The following NRXN2 variants were observed in gnomAD, a reference collection of about 807,000 sequenced individuals.
The protein encoded by NRXN2 is neurexin 2.
A neutral mutation model predicts 128.8 loss-of-function variants in NRXN2; 29 were observed. The observed-to-expected ratio is 0.23, with a 90% CI of 0.17 to 0.31. The LOEUF (loss-of-function observed/expected upper bound fraction) is 0.31. Among genes scored for constraint, NRXN2 ranks in the 10% least tolerant of loss-of-function variants. The pLI is 1.00. For missense variants in NRXN2, 1,881 were observed against 2,452.6 expected, an observed-to-expected ratio of 0.77 and a Z score of 4.92; for synonymous variants, 1,098 against 1,075.2, an observed-to-expected ratio of 1.02 and a Z score of -0.41.
intron 22 of NRXN2, among the ~76,000 whole-genome samples, chr11:64,609,821 G>A (rs868033846): frequency 3.0e-4 from 46 of 152,088 alleles, no homozygotes; most frequent in African/African-American, 1.1e-3. Context: ...CCACATCTGA[G>A]TGCCTCTCGC....
intron 19 of NRXN2, 58 bp from the exon 20 acceptor site, chr11:64,626,610 G>C (rs1008082143): frequency 1.6e-5 from 21 of 1,276,704 alleles, no homozygotes; most frequent in Middle Eastern, 3.7e-4. Flanking sequence ...AAAGGAGTTA[G>C]AAAAGTAATT....
intron 17 of NRXN2, among the ~76,000 whole-genome samples, chr11:64,644,242 G>T (rs78395884): frequency 3.0e-4 from 46 of 152,102 alleles, no homozygotes; most frequent in Non-Finnish European, 5.0e-4. Flanking sequence ...ACAGCATACA[G>T]TGCACCCAGA....
chr11:64,648,465 G>T lies in NRXN2; in HGVS notation c.3284-127C>A. ...AGCTCTGCCTGGCTGAAAGGGCCAA[G>T]TACTGATGACAGGGATTGGGGCAGG... is the stretch of plus-strand genomic sequence containing the variant. On this transcript the variant is annotated intron_variant, in intron 16 of 22. Coordinates refer to ENST00000265459, the MANE Select transcript of NRXN2 (RefSeq NM_015080.4). This position sits in a 1 kb window ranked among gnomAD's most constrained non-coding sequence, Gnocchi z 4.1. The T allele has an allele frequency of 6.9e-7, 1 of 1,457,378 alleles. No homozygotes were observed. The highest frequency in any genetic ancestry group is 9.5e-7 in the Non-Finnish European group (1 of 1,052,598). The allele number at this position is 1,457,378 out of a possible 1,614,324, so 90.3% of individuals were successfully genotyped here. A position where few individuals can be genotyped will look rare whatever the true frequency, so the allele number is the denominator to read the frequency against.
intron 5 of NRXN2, chr11:64,688,256 T>C (rs891906215): frequency 2.0e-6 from 2 of 983,512 alleles, no homozygotes; most frequent in Non-Finnish European, 1.2e-6. Context: ...CTAGCTACTC[T>C]GGAGCCTGCG....
At chr11:64,636,956 C>A (rs2044816813) in intron 17 of NRXN2, among the ~76,000 whole-genome samples, 1 of 152,096 alleles carries the variant, frequency 6.6e-6, no homozygotes, top group Admixed American at 6.5e-5. Flanking sequence ...TGCCTGAGTG[C>A]TTTGGGGGGA....
At chr11:64,645,289 C>G (rs965929915) in intron 17 of NRXN2, among the ~76,000 whole-genome samples, 1 of 151,816 alleles carries the variant, frequency 6.6e-6, no homozygotes, top group Non-Finnish European at 1.5e-5. Flanking sequence ...AGAGGCCAAT[C>G]AATACCAGTG....
intron 11 of NRXN2, among the ~76,000 whole-genome samples, chr11:64,657,071 A>G (rs544321838): frequency 2.0e-4 from 31 of 152,326 alleles, no homozygotes; most frequent in African/African-American, 7.2e-4. Flanking sequence ...CTCCTGGAGC[A>G]ATAGCTTCCC....
At position 64,607,542 on chromosome 11, in the gene NRXN2, G is replaced by A; in HGVS notation, c.4793C>T (p.Pro1598Leu). Reference protein sequence around the residue: ...FEPRRPPPLRPGVTSAPGFPH... With the variant: ...FEPRRPPPLRLGVTSAPGFPH... Reference sequence around the variant, plus strand: ...GAAGCCGGGGGCTGAGGTCACGCCGGGGCGCAGGGGAGGGGGCCTCCGCGG... The same window carrying A: ...GAAGCCGGGGGCTGAGGTCACGCCGAGGCGCAGGGGAGGGGGCCTCCGCGG... The change falls in exon 23 of 23, where the codon CCC becomes CTC. Residue 1598 changes from proline (P) to leucine (L), a missense_variant. Around this residue, in one of 7 missense-constraint regions of NRXN2, gnomAD observed 310 missense variants for 318.2 expected, o/e 0.97. Transcript: ENST00000265459. The A allele has an allele frequency of 6.4e-7, 1 of 1,558,062 alleles. No homozygotes were observed. Among genetic ancestry groups the A allele is most frequent in the Non-Finnish European group, 8.7e-7 (1 of 1,155,920 alleles).
chr11:64,676,617 G>T (rs2051351815), intron 7 of NRXN2: 1 of 265,640 alleles, frequency 3.8e-6, no homozygotes, highest in South Asian at 7.5e-5. Context: ...GGAGGGAAAA[G>T]AACAAAATAA....
chr11:64,637,921 AG>A (rs1251821159), intron 17 of NRXN2, among the ~76,000 whole-genome samples: 3 of 152,208 alleles, frequency 2.0e-5, no homozygotes, highest in African/African-American at 7.2e-5. Flanking sequence ...GCAGTGAGGC[AG>A]GAGGGATCAG....
intron 1 of NRXN2, among the ~76,000 whole-genome samples, chr11:64,719,041 T>C (rs551555626): frequency 4.9e-4 from 75 of 152,302 alleles, no homozygotes; most frequent in African/African-American, 1.5e-3. Context: ...AATAATAGTG[T>C]TGTCAAAATT....
At position 64,607,759 on chromosome 11, in the gene NRXN2, G is replaced by T; in HGVS notation, c.4576C>A (p.Leu1526Ile). 1 of 1,585,268 alleles carries T rather than the reference G, an allele frequency of 6.3e-7. No homozygotes were observed. Among genetic ancestry groups the T allele is most frequent in the Non-Finnish European group, 8.6e-7 (1 of 1,166,202 alleles). Reference sequence around the variant, plus strand: ...GGAGCGGGTTTGCGGGGTGACAGGAGGGTGGTGCGGTCCGTGACCAGGGGA... The same window carrying T: ...GGAGCGGGTTTGCGGGGTGACAGGATGGTGGTGCGGTCCGTGACCAGGGGA... The part of the protein sequence containing the change: ...TFPLVTDRTT[L>I]LSPRKPAPRP... Residue 1526 changes from leucine (L) to isoleucine (I), a missense_variant, in exon 23 of 23, where the codon CTC becomes ATC. Around this residue, in one of 7 missense-constraint regions of NRXN2, gnomAD observed 310 missense variants for 318.2 expected, o/e 0.97. Coordinates refer to ENST00000265459, the MANE Select transcript of NRXN2 (RefSeq NM_015080.4).
rs562166257 is a variant in NRXN2 at position 64,714,974 on chromosome 11, T to TGGGGAGAAGCCTG, written c.-244-1044_-244-1032dup. Among the ~76,000 whole-genome samples, 90 of 149,940 alleles carry TGGGGAGAAGCCTG rather than the reference T, an allele frequency of 6.0e-4. No individual in the cohort carries two copies. The highest frequency in any genetic ancestry group is 9.6e-4 in the Non-Finnish European group (65 of 67,574). ...TTGGGGAGGGAGGGAGAGAAGGAGGTGGGGAGAAGCCTGGGAGAGAAGCAG... is the reference window on the plus strand; with the variant it reads ...TTGGGGAGGGAGGGAGAGAAGGAGGTGGGGAGAAGCCTGGGGGAGAAGCCTGGGAGAGAAGCAG... On this transcript the variant is annotated intron_variant, in intron 1 of 22. Coordinates refer to ENST00000265459, the MANE Select transcript of NRXN2 (RefSeq NM_015080.4). The surrounding 1 kb of genome is among the most constrained non-coding windows in gnomAD (Gnocchi z 4.5).
chr11:64,666,055 T>G (rs914703468), intron 9 of NRXN2, among the ~76,000 whole-genome samples: 1 of 152,148 alleles, frequency 6.6e-6, no homozygotes, highest in Non-Finnish European at 1.5e-5. Context: ...GTTTACTGTC[T>G]TTTTCACTCC....
chr11:64,711,360 G>A (rs1420427620), intron 2 of NRXN2, among the ~76,000 whole-genome samples: 1 of 152,220 alleles, frequency 6.6e-6, no homozygotes, highest in Non-Finnish European at 1.5e-5. Context: ...ACACGAGCTG[G>A]AAGAACAGGG....
chr11:64,697,204 G>A (rs972045114), intron 3 of NRXN2, among the ~76,000 whole-genome samples: 19 of 152,056 alleles, frequency 1.2e-4, no homozygotes, highest in Non-Finnish European at 2.4e-4. Context: ...GGGGCCTGCC[G>A]CAAGTGGCAA....
rs1180197918 is a variant in NRXN2, at chr11:64,632,495, G to A, written c.3586-1922C>T. ...TCGATCCTCCTCGGTACTATTGTTAGTAATAATACCACCCAGAATAGTATC... is the reference window on the plus strand; with the variant it reads ...TCGATCCTCCTCGGTACTATTGTTAATAATAATACCACCCAGAATAGTATC... On this transcript the variant is annotated intron_variant, in intron 18 of 22. Coordinates refer to ENST00000265459, the MANE Select transcript of NRXN2 (RefSeq NM_015080.4). The surrounding 1 kb of genome is among the most constrained non-coding windows in gnomAD (Gnocchi z 4.2). Among the ~76,000 whole-genome samples the A allele has an allele frequency of 1.3e-5, 2 of 152,210 alleles. No homozygotes were observed. Among genetic ancestry groups the A allele is most frequent in the African/African-American group, 4.8e-5 (2 of 41,438 alleles).
At chr11:64,621,111 C>A (rs1348213700) in intron 21 of NRXN2, among the ~76,000 whole-genome samples, 2 of 152,092 alleles carry the variant, frequency 1.3e-5, no homozygotes, top group Non-Finnish European at 2.9e-5. Context: ...CAAGGACGAG[C>A]AGGGTTGAAA....
intron 17 of NRXN2, among the ~76,000 whole-genome samples, chr11:64,647,152 A>G (rs866325600): frequency 1.3e-5 from 2 of 152,034 alleles, no homozygotes; most frequent in South Asian, 4.2e-4. Context: ...CTACCTCCAG[A>G]AATCGACTGT....
Sources: gnomAD v4.1 joint callset for allele counts (sites outside exome capture counted in the v4.1 genomes callset) on GRCh38, gnomAD v4.1.1 for gene constraint, gnomAD v4.1.1 regional missense constraint, Gnocchi (gnomAD v3.1) non-coding constraint, MANE v1.5 for transcripts, NCBI Gene and HGNC (gene_info 2026-07-23, HGNC 2026-07-21) for gene names.